Variants in PRKN observed in about 807,000 individuals in gnomAD.
PRKN encodes the protein parkin RBR E3 ubiquitin protein ligase.
A neutral mutation model predicts 59.5 loss-of-function variants in PRKN; 56 were observed. The ratio of observed to expected loss-of-function variants is 0.94; its 90% CI spans 0.76 to 1.18. PRKN has a LOEUF of 1.18. PRKN is among the 50% of genes most tolerant of loss of function. The pLI is 0.00. For synonymous variants in PRKN, 250 were observed against 222.1 expected (o/e 1.13, Z -1.12); for missense variants, 657 against 596.4 (o/e 1.10, Z -1.06).
intron 1 of PRKN, among the ~76,000 whole-genome samples, chr6:162,636,368 T>C (rs1221873987): frequency 6.6e-6 from 1 of 152,198 alleles, no homozygotes; most frequent in Non-Finnish European, 1.5e-5. Flanking sequence ...CTCCACCTCC[T>C]GTGGAGCAAT....
intron 2 of PRKN, among the ~76,000 whole-genome samples, chr6:162,266,963 T>C (rs1310979919): frequency 6.6e-6 from 1 of 152,160 alleles, no homozygotes; most frequent in Non-Finnish European, 1.5e-5. Flanking sequence ...GCATTCCAAC[T>C]TTCTGTGAAC....
At chr6:162,195,425 C>A (rs1463341179) in intron 4 of PRKN, among the ~76,000 whole-genome samples, 1 of 152,096 alleles carries the variant, frequency 6.6e-6, no homozygotes, top group Non-Finnish European at 1.5e-5. Context: ...AGACTCCTGG[C>A]CAACAATTAA....
At chr6:161,971,398 A>G (rs1780801225) in intron 6 of PRKN, among the ~76,000 whole-genome samples, 1 of 152,192 alleles carries the variant, frequency 6.6e-6, no homozygotes, top group African/African-American at 2.4e-5. Flanking sequence ...TGACTTACAG[A>G]AGAGTATTTT....
intron 4 of PRKN, among the ~76,000 whole-genome samples, chr6:162,184,327 T>C (rs1783929103): frequency 6.6e-6 from 1 of 152,178 alleles, no homozygotes; most frequent in African/African-American, 2.4e-5. Context: ...TTCCAACATT[T>C]ACAAATTTGG....
At chr6:162,368,471 T>G (rs1785571329) in intron 2 of PRKN, among the ~76,000 whole-genome samples, 1 of 152,166 alleles carries the variant, frequency 6.6e-6, no homozygotes, top group African/African-American at 2.4e-5. Flanking sequence ...CAACTATTCT[T>G]GAAGACATGG....
At chr6:162,543,063 G>A (rs1332766577) in intron 1 of PRKN, among the ~76,000 whole-genome samples, 1 of 152,174 alleles carries the variant, frequency 6.6e-6, no homozygotes, top group Non-Finnish European at 1.5e-5. Context: ...AAGACAGTCA[G>A]TTGGTGTCCC....
At chr6:162,187,465 C>A (rs1037972526) in intron 4 of PRKN, among the ~76,000 whole-genome samples, 2 of 152,102 alleles carry the variant, frequency 1.3e-5, no homozygotes, top group Non-Finnish European at 2.9e-5. Context: ...CAGAAGAGAG[C>A]AAAATGGCAG....
At chr6:161,802,123 A>G (rs1791107377) in intron 6 of PRKN, among the ~76,000 whole-genome samples, 1 of 152,154 alleles carries the variant, frequency 6.6e-6, no homozygotes, top group African/African-American at 2.4e-5. Context: ...CAATCTCAGC[A>G]AAGGCTCATT....
chr6:162,291,457 C>A (rs9364647), intron 2 of PRKN, among the ~76,000 whole-genome samples: 10,521 of 152,058 alleles, frequency 0.069, 1,065 homozygotes, highest in East Asian at 0.5. Flanking sequence ...CCAGCCCCAC[C>A]ACCCTCTGGT....
chr6:162,191,596 C>G (rs1033567884), intron 4 of PRKN, among the ~76,000 whole-genome samples: 1 of 152,136 alleles, frequency 6.6e-6, no homozygotes, highest in Admixed American at 6.6e-5. Context: ...GCACATGCCA[C>G]CACAGCCAGC....
intron 1 of PRKN, chr6:162,727,339 A>AGGTGAGGGGCGGCGGCGGGGCGAC: frequency 7.9e-6 from 3 of 378,768 alleles, no homozygotes; most frequent in East Asian, 4.9e-5. Flanking sequence ...GGCGGGGAGA[A>AGGTGAGGGGCGGCGGCGGGGCGAC]GGCTTCGGGA....
chr6:161,426,452 A>G (rs1788360937), intron 9 of PRKN, among the ~76,000 whole-genome samples: 1 of 152,054 alleles, frequency 6.6e-6, no homozygotes, highest in Non-Finnish European at 1.5e-5. Context: ...GAAAAACATG[A>G]AAAGACTAGA....
At chr6:161,696,689 T>A (rs1334772342) in intron 7 of PRKN, among the ~76,000 whole-genome samples, 1 of 152,236 alleles carries the variant, frequency 6.6e-6, no homozygotes, top group African/African-American at 2.4e-5. Flanking sequence ...TTCAAGTATC[T>A]AATTCTACCC....
At chr6:162,242,876 T>C (rs1005506984) in intron 3 of PRKN, among the ~76,000 whole-genome samples, 6 of 152,142 alleles carry the variant, frequency 3.9e-5, no homozygotes, top group African/African-American at 1.4e-4. Flanking sequence ...CAAAGGGGTC[T>C]GTACATTCTG....
chr6:162,401,946 T>A (rs969011311), intron 2 of PRKN, among the ~76,000 whole-genome samples: 1 of 152,136 alleles, frequency 6.6e-6, no homozygotes, highest in African/African-American at 2.4e-5. Context: ...GAGATTATTC[T>A]GAGTATTTCA....
chr6:162,567,182 TGA>T (rs58457024), intron 1 of PRKN, among the ~76,000 whole-genome samples: 46,668 of 152,024 alleles, frequency 0.31, 7,618 homozygotes, highest in East Asian at 0.49. Context: ...GGGGAAAAAC[TGA>T]AAGCCTTTCT....
intron 2 of PRKN, among the ~76,000 whole-genome samples, chr6:162,329,329 T>C (rs1435768982): frequency 2.6e-5 from 4 of 152,096 alleles, no homozygotes; most frequent in African/African-American, 7.2e-5. Context: ...GTAGCTCCGA[T>C]AGCCAGTGGG....
intron 5 of PRKN, among the ~76,000 whole-genome samples, chr6:161,984,701 T>A (rs941124754): frequency 6.6e-6 from 1 of 152,228 alleles, no homozygotes; most frequent in Non-Finnish European, 1.5e-5. Context: ...GTCCCCTAGA[T>A]AATCTATCAC....
chr6:162,041,172 G>A (rs1002858945), intron 5 of PRKN, among the ~76,000 whole-genome samples: 1 of 152,072 alleles, frequency 6.6e-6, no homozygotes, highest in Non-Finnish European at 1.5e-5. Context: ...GTGACAGAGT[G>A]AGACTCTGTC....
Sources: gnomAD v4.1 joint callset for allele counts (sites outside exome capture counted in the v4.1 genomes callset) on GRCh38, gnomAD v4.1.1 for gene constraint, MANE v1.5 for transcripts, NCBI Gene and HGNC (gene_info 2026-07-23, HGNC 2026-07-21) for gene names.